IGDCC3: variants seen among roughly 807,000 people sequenced by gnomAD.
IGDCC3 encodes putative neuronal cell adhesion molecule.
A neutral mutation model predicts 72.0 loss-of-function variants in IGDCC3; 47 were observed. The observed-to-expected ratio is 0.65, with a 90% CI of 0.52 to 0.83. The LOEUF is 0.83. Ranked by LOEUF, IGDCC3 falls within the 40% of genes least tolerant of loss-of-function variation. The pLI is 0.00. For synonymous variants in IGDCC3, 477 were observed against 472.8 expected, an observed-to-expected ratio of 1.01 and a Z score of -0.11; for missense variants, 1,038 against 1,091.3, an observed-to-expected ratio of 0.95 and a Z score of 0.69.
In IGDCC3 at chr15:65,329,447, C is replaced by T; in HGVS notation, c.2148G>A (p.Glu716=). Reference sequence around the variant, plus strand: ...TGGCCGGGGGGAACAGCTGCTCCAGCTCCTTCATATCCACACGTTTCTCGT... The same window carrying T: ...TGGCCGGGGGGAACAGCTGCTCCAGTTCCTTCATATCCACACGTTTCTCGT... ...GRDEKRVDMK[E]LEQLFPPASA... Residue 716 remains glutamate, a synonymous_variant, in exon 13 of 14, where the codon GAG becomes GAA. Transcript: ENST00000327987. This position sits in a 1 kb window ranked among gnomAD's most constrained non-coding sequence, Gnocchi z 4.1. 2 of 1,609,286 alleles carry T rather than the reference C, an allele frequency of 1.2e-6. No individual in the cohort carries two copies. Among genetic ancestry groups the T allele is most frequent in the Non-Finnish European group, 8.5e-7 (1 of 1,178,286 alleles).
At position 65,331,615 on chromosome 15, in the gene IGDCC3, T is replaced by A. The variant is rs267604291; in HGVS notation, c.1193A>T (p.Tyr398Phe). 1 of 1,612,766 alleles carries A rather than the reference T, an allele frequency of 6.2e-7. No homozygotes were observed. Among genetic ancestry groups the A allele is most frequent in the Admixed American group, 1.7e-5 (1 of 59,898 alleles). Residue 398 changes from tyrosine to phenylalanine, a missense_variant, in exon 8 of 14, where the codon TAT (tyrosine) becomes TTT (phenylalanine). Physicochemically the swap from Tyr to Phe is conservative, Grantham distance 22. Transcript: ENST00000327987. ...SGIGPEDEAI[Y>F]QCVAENSAGS... The stretch of plus-strand genomic sequence containing the variant: ...CGCACTGTTCTCGGCCACACACTGA[T>A]AAATGGCTTCATCCTCAGGACCGAT...
At chr15:65,333,118 C>A in intron 6 of IGDCC3, 139 bp downstream of exon 6, 1 of 797,532 alleles carries the variant, frequency 1.3e-6, no homozygotes, top group Non-Finnish European at 1.9e-6. Context: ...TTGGCCTGGC[C>A]TGGGGGCCGG....
intron 2 of IGDCC3, among the ~76,000 whole-genome samples, chr15:65,361,969 A>T (rs1485469526): frequency 6.6e-6 from 1 of 152,198 alleles, no homozygotes; most frequent in Non-Finnish European, 1.5e-5. Context: ...GAAACTTCGC[A>T]GCCTGGGCTG....
intron 5 of IGDCC3, 106 bp downstream of exon 5, chr15:65,334,618 GAACA>G (rs1202834907): frequency 9.7e-7 from 1 of 1,031,810 alleles, no homozygotes; most frequent in East Asian, 2.8e-5. Context: ...CCCCCACAGA[GAACA>G]AACAGGATTC....
intron 2 of IGDCC3, among the ~76,000 whole-genome samples, chr15:65,358,034 C>G (rs183073835): frequency 2.0e-5 from 3 of 152,122 alleles, no homozygotes; most frequent in African/African-American, 7.2e-5. Flanking sequence ...AGGCTTAAAG[C>G]CCCCATTTCT....
rs556006185 is a variant in IGDCC3 at position 65,377,744 on chromosome 15, C to T, written c.45G>A (p.Pro15=). 43 of 1,321,826 alleles carry T rather than the reference C, an allele frequency of 3.3e-5. No homozygotes were observed. Among genetic ancestry groups the T allele is most frequent in the Non-Finnish European group, 4.1e-5 (43 of 1,041,536 alleles). 81.9% of individuals were successfully genotyped at this position (1,321,826 alleles called of 1,614,324 possible). A position where few individuals can be genotyped will look rare whatever the true frequency, so the allele number is the denominator to read the frequency against. The change falls in exon 1 of 14, where the codon CCG becomes CCA. Residue 15 remains proline, a synonymous_variant. Coordinates refer to ENST00000327987, the MANE Select transcript of IGDCC3 (RefSeq NM_004884.4). This position sits in a 1 kb window ranked among gnomAD's most constrained non-coding sequence, Gnocchi z 4.9. Reference sequence around the variant, plus strand: ...GCGGCAGCAGGAGCCGGGGCCAGAGCGGGGCGGGCGGGCGGCGCGGAGACG... The same window carrying T: ...GCGGCAGCAGGAGCCGGGGCCAGAGTGGGGCGGGCGGGCGGCGCGGAGACG... ...RAASPRRPPA[P]LWPRLLLPLL...
chr15:65,354,486 C>CT (rs1057311089), intron 2 of IGDCC3, among the ~76,000 whole-genome samples: 3 of 152,312 alleles, frequency 2.0e-5, no homozygotes, highest in South Asian at 2.1e-4. Flanking sequence ...ATTCCTAACT[C>CT]TAACATGTTG....
intron 2 of IGDCC3, among the ~76,000 whole-genome samples, chr15:65,369,461 T>C (rs923446447): frequency 1.3e-5 from 2 of 152,116 alleles, no homozygotes; most frequent in African/African-American, 4.8e-5. Context: ...GGTTAAAGTG[T>C]CTGAACCCCA....
At chr15:65,363,451 T>C (rs2091273080) in intron 2 of IGDCC3, among the ~76,000 whole-genome samples, 2 of 152,122 alleles carry the variant, frequency 1.3e-5, no homozygotes, top group Admixed American at 1.3e-4. Flanking sequence ...CTGGAAGCAG[T>C]GGTCCCCTAT....
rs781092291 is a variant in IGDCC3, at chr15:65,331,010, G to T, written c.1561+40C>A. On this transcript the variant is annotated intron_variant, in intron 9 of 13. Transcript: ENST00000327987. ...TGGTGGTTCTGCTCTGATACCCTGA[G>T]TGAGTGCCTGTGGTTTTGTGCTCCA... 11 of 1,604,910 alleles carry T rather than the reference G, an allele frequency of 6.9e-6. No homozygotes were observed. The Admixed American group carries it at 1.5e-4, about 22-fold the overall frequency.
chr15:65,341,352 T>C (rs898722455), intron 2 of IGDCC3, among the ~76,000 whole-genome samples: 3 of 152,232 alleles, frequency 2.0e-5, no homozygotes, highest in African/African-American at 7.2e-5. Flanking sequence ...AGAATTAGCA[T>C]GTGATCCAGC....
At chr15:65,348,366 G>C (rs1375008181) in intron 2 of IGDCC3, among the ~76,000 whole-genome samples, 2 of 152,184 alleles carry the variant, frequency 1.3e-5, no homozygotes, top group African/African-American at 2.4e-5. Context: ...TGGGACCTCT[G>C]TCCTGTAACA....
At chr15:65,355,656 T>TCCCGCCCC (rs2091213359) in intron 2 of IGDCC3, 1 of 214,618 alleles carries the variant, frequency 4.7e-6, no homozygotes, top group African/African-American at 3.0e-5. Context: ...GACGCGGGCG[T>TCCCGCCCC]CCCGCCCCCC....
Position 65,336,990 on chromosome 15 carries a change from T to C in IGDCC3, c.410-1034A>G, listed in dbSNP as rs528099887. ...TCAGGCACTCCATCAACTGGGACAG[T>C]CGCTCCCCTCCCAGAGGAAGCCCTC... is the stretch of plus-strand genomic sequence containing the variant. On this transcript the variant is annotated intron_variant, in intron 2 of 13. Transcript: ENST00000327987. Among the ~76,000 whole-genome samples, 5 of 152,128 alleles carry C rather than the reference T, an allele frequency of 3.3e-5. No individual in the cohort carries two copies. In the South Asian group the frequency reaches 1.0e-3, roughly 32 times the overall value.
chr15:65,370,639 TA>T (rs1358636317), intron 2 of IGDCC3, among the ~76,000 whole-genome samples: 1 of 145,516 alleles, frequency 6.9e-6, no homozygotes, highest in Non-Finnish European at 1.5e-5. Context: ...TATATATATA[TA>T]TATATATAAA....
chr15:65,362,186 C>T (rs866863774), intron 2 of IGDCC3, among the ~76,000 whole-genome samples: 12 of 151,666 alleles, frequency 7.9e-5, no homozygotes, highest in Admixed American at 2.0e-4. Context: ...GGGTAGTGTC[C>T]GAGAACTTTA....
chr15:65,372,412 A>G (rs561490575), intron 2 of IGDCC3, among the ~76,000 whole-genome samples: 1 of 152,318 alleles, frequency 6.6e-6, no homozygotes, highest in East Asian at 1.9e-4. Flanking sequence ...ATTCCATTCT[A>G]AAAGGGAAAC....
At chr15:65,347,799 C>T (rs1404438762) in intron 2 of IGDCC3, among the ~76,000 whole-genome samples, 10 of 152,216 alleles carry the variant, frequency 6.6e-5, no homozygotes, top group Non-Finnish European at 1.2e-4. Flanking sequence ...GGCATGGTGG[C>T]GTGTGCCTGT....
intron 2 of IGDCC3, among the ~76,000 whole-genome samples, chr15:65,365,651 C>A (rs111662949): frequency 3.0e-4 from 43 of 144,586 alleles, no homozygotes; most frequent in African/African-American, 1.0e-3. Flanking sequence ...CTCTTTGAAC[C>A]TTATCTTCCC....
Sources: gnomAD v4.1 joint callset for allele counts (sites outside exome capture counted in the v4.1 genomes callset) on GRCh38, gnomAD v4.1.1 for gene constraint, Gnocchi (gnomAD v3.1) non-coding constraint, MANE v1.5 for transcripts, NCBI Gene and HGNC (gene_info 2026-07-23, HGNC 2026-07-21) for gene names.